The following BCL7C variants were observed in gnomAD, a reference collection of about 807,000 sequenced individuals.
BCL7C encodes the protein BAF chromatin remodeling complex subunit BCL7C, also known as B-cell CLL/lymphoma 7 protein family member C.
A neutral mutation model predicts 26.2 loss-of-function variants in BCL7C; 8 were observed. The ratio of observed to expected loss-of-function variants is 0.30; its 90% CI spans 0.18 to 0.55. The LOEUF is 0.55. BCL7C is among the 20% of genes least tolerant of loss of function. The pLI, the probability that BCL7C is intolerant of heterozygous loss-of-function variation, is 0.93. For missense variants in BCL7C, 262 were observed against 298.5 expected, an observed-to-expected ratio of 0.88 and a Z score of 0.90; for synonymous variants, 90 against 116.5, an observed-to-expected ratio of 0.77 and a Z score of 1.47.
At position 30,866,683 on chromosome 16, in the gene BCL7C, A is replaced by G. The variant is rs1567314794; in HGVS notation, c.528+22177T>C. On this transcript the variant is annotated intron_variant, in intron 5 of 5. Coordinates refer to the BCL7C transcript ENST00000380317. ...AGGAAAACATTAATGAAATGTAAAT[A>G]GTAAATGTAAAATAAGGCGGAAAGA... Among the ~76,000 whole-genome samples, 3 of 152,176 alleles carry G rather than the reference A, an allele frequency of 2.0e-5. No individual in the cohort carries two copies. In the East Asian group the frequency reaches 5.8e-4, roughly 29 times the overall value.
At chr16:30,875,435 A>G (rs1053403716) in intron 5 of BCL7C, 1 of 152,426 alleles carries the variant, frequency 6.6e-6, no homozygotes, top group Non-Finnish European at 1.5e-5. Flanking sequence ...TGTGGCCTTA[A>G]CCCTTCCCAA....
intron 5 of BCL7C, among the ~76,000 whole-genome samples, chr16:30,837,081 ACCGCG>A (rs779884588): frequency 2.6e-5 from 4 of 151,884 alleles, no homozygotes; most frequent in Non-Finnish European, 5.9e-5. Flanking sequence ...GGCATGAGCC[ACCGCG>A]CCCGGCCGAC....
downstream of BCL7C, among the ~76,000 whole-genome samples, chr16:30,884,514 T>TTA (rs2055097986): frequency 6.8e-6 from 1 of 147,030 alleles, no homozygotes; most frequent in Non-Finnish European, 1.5e-5. Flanking sequence ...TTTTTTTTTT[T>TTA]GAGACAGAGT....
chr16:30,850,365 T>A (rs2054666083), intron 5 of BCL7C, among the ~76,000 whole-genome samples: 1 of 152,200 alleles, frequency 6.6e-6, no homozygotes, highest in African/African-American at 2.4e-5. Context: ...ACAAACTATT[T>A]ATCTTTGAGT....
At chr16:30,884,492 G>C (rs944860409), downstream of BCL7C, among the ~76,000 whole-genome samples, 1 of 98,288 alleles carries the variant, frequency 1.0e-5, no homozygotes, top group Non-Finnish European at 2.1e-5. Context: ...ATCTCCATTT[G>C]TTTTTTTTTT....
chr16:30,888,175 A>C (rs2055165837), intron 5 of BCL7C, among the ~76,000 whole-genome samples, 185 bp from the exon 6 acceptor site: 1 of 152,228 alleles, frequency 6.6e-6, no homozygotes, highest in South Asian at 2.1e-4. Flanking sequence ...CACTGTGTGG[A>C]GGAACGAACC....
At chr16:30,835,222 C>G in intron 5 of BCL7C, 2 of 1,313,944 alleles carry the variant, frequency 1.5e-6, no homozygotes, top group Non-Finnish European at 2.0e-6. Context: ...CCAACTTGTC[C>G]CATTTATGAC....
At chr16:30,888,440 A>C (rs544384450) in intron 5 of BCL7C, among the ~76,000 whole-genome samples, 1 of 151,788 alleles carries the variant, frequency 6.6e-6, no homozygotes, top group Non-Finnish European at 1.5e-5. Context: ...GGGTTCAAGC[A>C]ATTCTCCTGC....
At chr16:30,887,476 CAAAAAAAAAA>C (rs397854743), downstream of BCL7C, among the ~76,000 whole-genome samples, 3 of 75,778 alleles carry the variant, frequency 4.0e-5, no homozygotes, top group African/African-American at 1.7e-4. Context: ...GTCTGTGTCT[CAAAAAAAAAA>C]AAAAAAAAAA....
intron 5 of BCL7C, among the ~76,000 whole-genome samples, chr16:30,868,136 T>TC (rs2054845110): frequency 6.7e-6 from 1 of 149,534 alleles, no homozygotes; most frequent in East Asian, 2.0e-4. Flanking sequence ...TGGGTTTTTT[T>TC]TTTTTTTTTG....
rs2055270700 is a variant in BCL7C, at chr16:30,892,734, G to T, written c.294C>A (p.Asn98Lys). Reference sequence around the variant, plus strand: ...GGGAACCTTCCGAATGGAAACTCTGGTTGCTGTTCTCATCTGCGGGAGCAA... The same window carrying T: ...GGGAACCTTCCGAATGGAAACTCTGTTTGCTGTTCTCATCTGCGGGAGCAA... ...ILLDLNDENS[N>K]QSFHSEGSLQ... The change falls in exon 4 of 6, where the codon AAC becomes AAA. Residue 98 changes from asparagine to lysine, a missense_variant. Transcript: ENST00000215115. The T allele has an allele frequency of 6.2e-7, 1 of 1,614,164 alleles. No homozygotes were observed.
At chr16:30,873,954 T>TACACAC (rs145435913) in intron 5 of BCL7C, among the ~76,000 whole-genome samples, 29,617 of 137,580 alleles carry the variant, frequency 0.22, 3,956 homozygotes, top group South Asian at 0.64. Context: ...GATATATGTA[T>TACACAC]ACACACACAC....
At chr16:30,853,158 G>A (rs1167136032) in intron 5 of BCL7C, among the ~76,000 whole-genome samples, 2 of 150,200 alleles carry the variant, frequency 1.3e-5, no homozygotes, top group African/African-American at 2.4e-5. Context: ...GGCTGGTCTC[G>A]AACTCCTGAC....
Position 30,888,849 on chromosome 16 carries a change from G to A in BCL7C, c.528+11C>T, listed in dbSNP as rs1190623233. 5 of 1,613,668 alleles carry A rather than the reference G, an allele frequency of 3.1e-6. No individual in the cohort carries two copies. The Admixed American group carries it at 5.0e-5, about 16-fold the overall frequency. ...CAAGACCCAGGAGTCCAGCCTTCTG[G>A]CCTCTCTCACCTCAGCTTCCAGCAG... On this transcript the variant is annotated intron_variant, in intron 5 of 5. Transcript: ENST00000215115.
At chr16:30,886,697 C>G (rs2055137659), downstream of BCL7C, among the ~76,000 whole-genome samples, 1 of 152,068 alleles carries the variant, frequency 6.6e-6, no homozygotes, top group Non-Finnish European at 1.5e-5. Context: ...AAAGGGGAAA[C>G]TCACTGAGCC....
intron 5 of BCL7C, among the ~76,000 whole-genome samples, chr16:30,879,088 G>T (rs998252536): frequency 3.3e-5 from 5 of 152,124 alleles, no homozygotes; most frequent in African/African-American, 1.2e-4. Context: ...CAAGGGCAGT[G>T]GCAGGATCCT....
intron 5 of BCL7C, among the ~76,000 whole-genome samples, chr16:30,838,531 C>G (rs1157708052): frequency 6.6e-6 from 1 of 152,188 alleles, no homozygotes; most frequent in African/African-American, 2.4e-5. Flanking sequence ...GCCTGTAATC[C>G]CAGCACTTTG....
chr16:30,892,103 C>CA (rs1366824196), intron 4 of BCL7C, among the ~76,000 whole-genome samples: 1 of 150,628 alleles, frequency 6.6e-6, no homozygotes, highest in African/African-American at 2.4e-5. Context: ...CTTATCTCTA[C>CA]AAAAAATACA....
chr16:30,849,240 T>C (rs2054655649), intron 5 of BCL7C, among the ~76,000 whole-genome samples: 1 of 152,062 alleles, frequency 6.6e-6, no homozygotes, highest in Non-Finnish European at 1.5e-5. Flanking sequence ...TGCCTAATAT[T>C]GTTGAATTGC....
Sources: gnomAD v4.1 joint callset for allele counts (sites outside exome capture counted in the v4.1 genomes callset) on GRCh38, gnomAD v4.1.1 for gene constraint, MANE v1.5 for transcripts, NCBI Gene and HGNC (gene_info 2026-07-23, HGNC 2026-07-21) for gene names.